Variants in SLIT2 observed in about 807,000 individuals in gnomAD.
SLIT2 encodes slit homolog 2 protein.
A neutral mutation model predicts 185.7 loss-of-function variants in SLIT2; 41 were observed. The observed-to-expected ratio is 0.22, with a 90% CI of 0.17 to 0.29. SLIT2 has a LOEUF of 0.29. Among genes scored for constraint, SLIT2 ranks in the 10% least tolerant of loss-of-function variants. SLIT2 has a pLI of 1.00. For missense variants in SLIT2, 1,571 were observed against 1,909.0 expected, an observed-to-expected ratio of 0.82 and a Z score of 3.30; for synonymous variants, 693 against 680.2, an observed-to-expected ratio of 1.02 and a Z score of -0.29.
intron 18 of SLIT2, 56 bp from the exon 19 acceptor site, chr4:20,539,383 GGC>G (rs1553830200): frequency 5.3e-6 from 4 of 756,142 alleles, no homozygotes; most frequent in Non-Finnish European, 7.5e-6. Flanking sequence ...TCCTCAGATA[GGC>G]AAAATTGATT....
At chr4:20,613,755 C>T (rs1729425438) in intron 34 of SLIT2, among the ~76,000 whole-genome samples, 2 of 152,170 alleles carry the variant, frequency 1.3e-5, no homozygotes, top group Admixed American at 1.3e-4. Context: ...AGGAGGACTG[C>T]CTGAAGGTGT....
At chr4:20,446,465 G>C (rs977867269) in intron 4 of SLIT2, among the ~76,000 whole-genome samples, 1 of 152,188 alleles carries the variant, frequency 6.6e-6, no homozygotes, top group Non-Finnish European at 1.5e-5. Flanking sequence ...CTTAGAGAAA[G>C]TGTTTGGAAT....
chr4:20,534,373 G>A (rs1422278670), intron 18 of SLIT2, among the ~76,000 whole-genome samples: 2 of 152,022 alleles, frequency 1.3e-5, no homozygotes, highest in East Asian at 3.9e-4. Context: ...GTGTTTGGGG[G>A]AAAAAATTAT....
At position 20,519,439 on chromosome 4, in the gene SLIT2, T is replaced by G; in HGVS notation, c.1116T>G (p.Phe372Leu). 1 of 1,575,316 alleles carries G rather than the reference T, an allele frequency of 6.3e-7. No individual in the cohort carries two copies. The highest frequency in any genetic ancestry group is 8.7e-7 in the Non-Finnish European group (1 of 1,145,502). ...ELPKSLFEGLFSLQLLLLNAN... is the reference protein window; with the variant it reads ...ELPKSLFEGLLSLQLLLLNAN... ...CCAAAAGTTTATTTGAAGGACTGTT[T>G]TCCTTACAGCTCCTGTAAGTATTTG... The change falls in exon 12 of 37, where the codon TTT becomes TTG. Residue 372 changes from phenylalanine to leucine, a missense_variant. Physicochemically the swap from Phe to Leu is conservative, Grantham distance 22. Around this residue, in one of 3 missense-constraint regions of SLIT2, gnomAD observed 1,202 missense variants for 1,416.4 expected, o/e 0.85. Coordinates refer to ENST00000504154, the MANE Select transcript of SLIT2 (RefSeq NM_004787.4).
intron 9 of SLIT2, among the ~76,000 whole-genome samples, chr4:20,504,790 A>G (rs1279384939): frequency 3.3e-5 from 5 of 152,090 alleles, no homozygotes; most frequent in Admixed American, 2.0e-4. Flanking sequence ...GTTTTGCTCT[A>G]CATGGTTTCC....
At chr4:20,485,101 A>G (rs1445695786) in intron 6 of SLIT2, among the ~76,000 whole-genome samples, 5 of 152,218 alleles carry the variant, frequency 3.3e-5, no homozygotes, top group South Asian at 2.1e-4. Flanking sequence ...CAACACCTCA[A>G]TGTGTACCTT....
At chr4:20,283,117 C>CGT (rs1295256785) in intron 4 of SLIT2, among the ~76,000 whole-genome samples, 11 of 124,202 alleles carry the variant, frequency 8.9e-5, no homozygotes, top group Non-Finnish European at 1.2e-4. Flanking sequence ...TGTGTGCGCG[C>CGT]GCGCACACAC....
At chr4:20,472,446 C>A (rs377005130) in intron 5 of SLIT2, among the ~76,000 whole-genome samples, 10 of 51,166 alleles carry the variant, frequency 2.0e-4, no homozygotes, top group South Asian at 7.0e-4. Flanking sequence ...AGATATATAT[C>A]TATATAGATA....
chr4:20,587,473 G>GT (rs1727156592), intron 29 of SLIT2, among the ~76,000 whole-genome samples: 1 of 152,190 alleles, frequency 6.6e-6, no homozygotes, highest in South Asian at 2.1e-4. Flanking sequence ...CATTGATGTA[G>GT]TTTTTTATGT....
intron 1 of SLIT2, among the ~76,000 whole-genome samples, chr4:20,255,800 T>C (rs1711757124): frequency 6.6e-6 from 1 of 152,140 alleles, no homozygotes; most frequent in African/African-American, 2.4e-5. Context: ...AATTCTATCA[T>C]TGAAACAGTT....
chr4:20,382,066 A>G (rs551364316), intron 4 of SLIT2, among the ~76,000 whole-genome samples: 3 of 152,102 alleles, frequency 2.0e-5, no homozygotes, highest in Non-Finnish European at 4.4e-5. Flanking sequence ...CCAAAAATGC[A>G]AGGTTGGCTT....
At chr4:20,366,867 A>G (rs1723162193) in intron 4 of SLIT2, among the ~76,000 whole-genome samples, 1 of 152,004 alleles carries the variant, frequency 6.6e-6, no homozygotes, top group Non-Finnish European at 1.5e-5. Flanking sequence ...CTATGATCGC[A>G]GCTCACTGCA....
chr4:20,444,491 C>A lies in SLIT2; in HGVS notation c.396-23261C>A, dbSNP rs1367439652. ...CCTAATAAGTGAAATTCCTTGTCTC[C>A]AGGCTTAGGGGTCACACAAACCTAT... is the stretch of plus-strand genomic sequence containing the variant. On this transcript the variant is annotated intron_variant, in intron 4 of 36. Coordinates refer to ENST00000504154, the MANE Select transcript of SLIT2 (RefSeq NM_004787.4). Among the ~76,000 whole-genome samples, 10 of 152,086 alleles carry A rather than the reference C, an allele frequency of 6.6e-5. No individual in the cohort carries two copies. In the South Asian group the frequency reaches 2.1e-3, roughly 32 times the overall value.
intron 4 of SLIT2, among the ~76,000 whole-genome samples, chr4:20,385,499 A>T (rs1456407415): frequency 2.6e-5 from 4 of 152,152 alleles, no homozygotes; most frequent in Non-Finnish European, 5.9e-5. Flanking sequence ...AGCTTGGCAC[A>T]TGTTAAAGGA....
At chr4:20,464,698 A>G (rs952605424) in intron 4 of SLIT2, among the ~76,000 whole-genome samples, 1 of 152,178 alleles carries the variant, frequency 6.6e-6, no homozygotes, top group East Asian at 1.9e-4. Flanking sequence ...AACTACTGGC[A>G]TAAAAAATGC....
chr4:20,539,260 G>A (rs1722585928), intron 18 of SLIT2, among the ~76,000 whole-genome samples, 181 bp from the exon 19 acceptor site: 1 of 152,096 alleles, frequency 6.6e-6, no homozygotes, highest in Admixed American at 6.6e-5. Context: ...GCAACTCAAA[G>A]CATTTTATTC....
intron 4 of SLIT2, among the ~76,000 whole-genome samples, chr4:20,293,540 T>C (rs1280751523): frequency 6.6e-6 from 1 of 152,198 alleles, no homozygotes; most frequent in Admixed American, 6.5e-5. Context: ...GATTATCAAG[T>C]GAAGTTCTTA....
chr4:20,592,713 C>G (rs1280459995), intron 30 of SLIT2, among the ~76,000 whole-genome samples: 1 of 152,132 alleles, frequency 6.6e-6, no homozygotes, highest in Non-Finnish European at 1.5e-5. Flanking sequence ...GGCACTTCAA[C>G]AGCTCTGCTC....
At chr4:20,437,189 A>G (rs556698590) in intron 4 of SLIT2, among the ~76,000 whole-genome samples, 3 of 152,102 alleles carry the variant, frequency 2.0e-5, no homozygotes, top group South Asian at 4.2e-4. Context: ...CCGCATCTCC[A>G]TTTGGATGTC....
Sources: gnomAD v4.1 joint callset for allele counts (sites outside exome capture counted in the v4.1 genomes callset) on GRCh38, gnomAD v4.1.1 for gene constraint, gnomAD v4.1.1 regional missense constraint, MANE v1.5 for transcripts, NCBI Gene and HGNC (gene_info 2026-07-23, HGNC 2026-07-21) for gene names.